Variants in CSGALNACT1 observed in about 807,000 individuals in gnomAD.
CSGALNACT1 encodes the protein chondroitin sulfate N-acetylgalactosaminyltransferase 1.
CSGALNACT1 carries 52 observed loss-of-function variants against 51.0 expected under a neutral mutation model. That is an observed-to-expected ratio of 1.02 (90% CI 0.82 to 1.29). The LOEUF is 1.29. Ranked by LOEUF, CSGALNACT1 falls within the 50% of genes most tolerant of loss-of-function variation. The pLI is 0.00. For synonymous variants in CSGALNACT1, 341 were observed against 254.4 expected, an observed-to-expected ratio of 1.34 and a Z score of -3.24; for missense variants, 935 against 679.2, an observed-to-expected ratio of 1.38 and a Z score of -4.19.
At position 19,656,599 on chromosome 8, in the gene CSGALNACT1, CCCA is replaced by C. The variant is rs1476661952; in HGVS notation, c.-544+25871_-544+25873del. 7.2e-3 allele frequency among the ~76,000 whole-genome samples: 777 copies of C among 107,648 alleles called. 9 individuals are homozygous for C. The highest frequency in any genetic ancestry group is 0.021 in the Middle Eastern group (4 of 192). The allele number at this position is 107,648 out of a possible 152,430, so 70.6% of individuals were successfully genotyped here. On this transcript the variant is annotated intron_variant, in intron 1 of 9. Coordinates refer to the CSGALNACT1 transcript ENST00000332246. The stretch of plus-strand genomic sequence containing the variant: ...GAACCAGGAGAAACTACGCCCCCCC[CCCA>C]CACACACACACGAGATCAGCAAAGA...
chr8:19,691,026 AGG>A (rs1167468057), intron 1 of CSGALNACT1, among the ~76,000 whole-genome samples: 1 of 152,212 alleles, frequency 6.6e-6, no homozygotes, highest in Non-Finnish European at 1.5e-5. Context: ...CAGGAGTTCA[AGG>A]CTGCAGTGAG....
At chr8:19,661,732 T>C (rs2154190954) in intron 1 of CSGALNACT1, among the ~76,000 whole-genome samples, 1 of 152,292 alleles carries the variant, frequency 6.6e-6, no homozygotes, top group Non-Finnish European at 1.5e-5. Flanking sequence ...TTCCTTTCCA[T>C]GAATCCAGAA....
At chr8:19,553,902 A>AAC (rs34664028) in intron 3 of CSGALNACT1, among the ~76,000 whole-genome samples, 16,089 of 147,398 alleles carry the variant, frequency 0.11, 939 homozygotes, top group African/African-American at 0.16. Context: ...GAACTCGTAG[A>AAC]ACACACACAC....
chr8:19,551,706 C>T (rs1324499952), intron 3 of CSGALNACT1, among the ~76,000 whole-genome samples: 1 of 152,066 alleles, frequency 6.6e-6, no homozygotes, highest in Non-Finnish European at 1.5e-5. Context: ...GGTACTCTCC[C>T]TTCTGCTAAT....
chr8:19,524,990 C>T (rs933274013), intron 3 of CSGALNACT1, among the ~76,000 whole-genome samples: 1 of 152,172 alleles, frequency 6.6e-6, no homozygotes, highest in African/African-American at 2.4e-5. Context: ...CTCTGAGGAC[C>T]AGCCAAGGAA....
intron 1 of CSGALNACT1, among the ~76,000 whole-genome samples, chr8:19,651,425 C>T (rs2057792554): frequency 6.6e-6 from 1 of 152,170 alleles, no homozygotes; most frequent in African/African-American, 2.4e-5. Flanking sequence ...CATCATCCAC[C>T]TTCAGTTAGG....
intron 4 of CSGALNACT1, among the ~76,000 whole-genome samples, chr8:19,470,160 T>C (rs2067791251): frequency 6.6e-6 from 1 of 152,144 alleles, no homozygotes; most frequent in Admixed American, 6.5e-5. Context: ...AAGTACTTGG[T>C]ATCAGACAAA....
chr8:19,439,276 A>C lies in CSGALNACT1; in HGVS notation c.953+554T>G, dbSNP rs184266598. Among the ~76,000 whole-genome samples, 405 of 152,344 alleles carry C rather than the reference A, an allele frequency of 2.7e-3. 5 individuals carry two copies. The highest frequency in any genetic ancestry group is 0.023 in the Admixed American group (356 of 15,306). On this transcript the variant is annotated intron_variant, in intron 6 of 9. Coordinates refer to ENST00000454498, the Ensembl canonical transcript of CSGALNACT1. ...GGAGGTCTCAAGTTTTTGGTTAAATAATTTGTACTCAACTGAGTAAGTTTG... is the reference window on the plus strand; with the variant it reads ...GGAGGTCTCAAGTTTTTGGTTAAATCATTTGTACTCAACTGAGTAAGTTTG...
At chr8:19,744,059 C>G (rs1302907927) in intron 1 of CSGALNACT1, among the ~76,000 whole-genome samples, 2 of 152,090 alleles carry the variant, frequency 1.3e-5, no homozygotes, top group African/African-American at 4.8e-5. Context: ...GAATACTTTG[C>G]CTAATTAGAC....
At chr8:19,477,231 G>A (rs2069943953) in intron 4 of CSGALNACT1, among the ~76,000 whole-genome samples, 1 of 152,186 alleles carries the variant, frequency 6.6e-6, no homozygotes, top group Non-Finnish European at 1.5e-5. Context: ...CTCCAGGCAT[G>A]CGCTGGAACA....
Position 19,495,535 on chromosome 8 carries a change from G to C in CSGALNACT1, c.634+9666C>G, listed in dbSNP as rs113238198. Among the ~76,000 whole-genome samples the C allele has an allele frequency of 5.1e-3, 780 of 152,276 alleles. 4 individuals carry two copies. Among genetic ancestry groups the C allele is most frequent in the African/African-American group, 0.018 (733 of 41,544 alleles). ...TGACACCTCGCAGGGATCAGTGAGA[G>C]AGGGACTATCCCTCCCCACAAGACA... On this transcript the variant is annotated intron_variant, in intron 4 of 9. Coordinates refer to ENST00000454498, the Ensembl canonical transcript of CSGALNACT1.
intron 1 of CSGALNACT1, among the ~76,000 whole-genome samples, chr8:19,752,464 C>G (rs12550831): frequency 0.54 from 82,074 of 151,996 alleles, 22,245 homozygotes; most frequent in Middle Eastern, 0.72. Context: ...TTAACTTTAG[C>G]ACGTTTCTAA....
At chr8:19,660,047 C>A (rs2154189812) in intron 1 of CSGALNACT1, among the ~76,000 whole-genome samples, 1 of 152,334 alleles carries the variant, frequency 6.6e-6, no homozygotes, top group African/African-American at 2.4e-5. Context: ...GATGGGGAAA[C>A]TGACGCACGG....
chr8:19,747,083 C>A lies in CSGALNACT1; in HGVS notation c.-297+10767G>T, dbSNP rs375341526. Among the ~76,000 whole-genome samples, 43 of 152,348 alleles carry A rather than the reference C, an allele frequency of 2.8e-4. No individual in the cohort carries two copies. The East Asian group carries it at 2.9e-3, about 10-fold the overall frequency. Reference sequence around the variant, plus strand: ...ACCAGACAATTTTACAAGGGTCCCACATTCACATCCCATCCCACCTTGGTG... The same window carrying A: ...ACCAGACAATTTTACAAGGGTCCCAAATTCACATCCCATCCCACCTTGGTG... On this transcript the variant is annotated intron_variant, in intron 1 of 1. Coordinates refer to the CSGALNACT1 transcript ENST00000517494.
chr8:19,485,595 AT>A (rs1157213752), intron 4 of CSGALNACT1, among the ~76,000 whole-genome samples: 1 of 151,922 alleles, frequency 6.6e-6, no homozygotes, highest in African/African-American at 2.4e-5. Flanking sequence ...CTACTAGCTT[AT>A]TTACTAGGTA....
At chr8:19,728,799 C>A (rs2063539509) in intron 1 of CSGALNACT1, among the ~76,000 whole-genome samples, 1 of 152,032 alleles carries the variant, frequency 6.6e-6, no homozygotes, top group Admixed American at 6.6e-5. Context: ...TGTATGACTG[C>A]ACTGTGGAAA....
intron 3 of CSGALNACT1, among the ~76,000 whole-genome samples, chr8:19,541,089 T>C (rs1396433222): frequency 5.6e-5 from 6 of 106,596 alleles, no homozygotes; most frequent in African/African-American, 2.0e-4. Flanking sequence ...TGGGTGATAA[T>C]TTTTTTTTTT....
intron 7 of CSGALNACT1, 72 bp downstream of exon 6, chr8:19,420,268 C>T: frequency 7.4e-7 from 1 of 1,351,050 alleles, no homozygotes; most frequent in East Asian, 2.3e-5. Flanking sequence ...AGTGACTGAC[C>T]CATCAAGAGG....
At chr8:19,601,656 C>G in intron 2 of CSGALNACT1, 115 bp downstream of exon 2, 1 of 317,058 alleles carries the variant, frequency 3.2e-6, no homozygotes, top group South Asian at 2.7e-5. Flanking sequence ...TAACTTGTTA[C>G]TAATCAAGCT....
Sources: gnomAD v4.1 joint callset for allele counts (sites outside exome capture counted in the v4.1 genomes callset) on GRCh38, gnomAD v4.1.1 for gene constraint, MANE v1.5 for transcripts, NCBI Gene and HGNC (gene_info 2026-07-23, HGNC 2026-07-21) for gene names.